The following ARHGAP32 variants were observed in gnomAD, a reference collection of about 807,000 sequenced individuals.
The protein encoded by ARHGAP32 is rho GTPase-activating protein 32.
Under a neutral mutation model 186.5 loss-of-function variants are expected in ARHGAP32, and 51 were observed. That is an observed-to-expected ratio of 0.27 (90% CI 0.22 to 0.35). The LOEUF (loss-of-function observed/expected upper bound fraction) is 0.35, where lower values mean the gene tolerates loss of function less well. ARHGAP32 is among the 10% of genes least tolerant of loss of function. The pLI, the probability that ARHGAP32 is intolerant of heterozygous loss-of-function variation, is 1.00. For synonymous variants in ARHGAP32, 950 were observed against 964.3 expected, an observed-to-expected ratio of 0.99 and a Z score of 0.27; for missense variants, 2,186 against 2,623.5, an observed-to-expected ratio of 0.83 and a Z score of 3.64.
intron 5 of ARHGAP32, among the ~76,000 whole-genome samples, chr11:129,113,420 C>T (rs912157172): frequency 6.6e-6 from 1 of 152,046 alleles, no homozygotes; most frequent in Non-Finnish European, 1.5e-5. Context: ...GATTAGGAAT[C>T]GCACCATGTT....
chr11:129,083,029 C>A (rs1242784666), intron 6 of ARHGAP32, among the ~76,000 whole-genome samples: 1 of 152,014 alleles, frequency 6.6e-6, no homozygotes, highest in African/African-American at 2.4e-5. Context: ...GGGAAATGCA[C>A]ATCAAAACCA....
chr11:128,976,084 T>C (rs1261307756), intron 20 of ARHGAP32, among the ~76,000 whole-genome samples: 1 of 148,820 alleles, frequency 6.7e-6, no homozygotes, highest in African/African-American at 2.5e-5. Context: ...CTAACATATA[T>C]ATATATATAT....
At chr11:129,200,105 C>A (rs1157067261) in intron 1 of ARHGAP32, among the ~76,000 whole-genome samples, 3 of 152,166 alleles carry the variant, frequency 2.0e-5, no homozygotes, top group Admixed American at 6.5e-5. Context: ...TGCCTGTACC[C>A]CCCATTGTAT....
At chr11:128,994,534 G>A (rs574464536) in intron 12 of ARHGAP32, among the ~76,000 whole-genome samples, 2 of 151,704 alleles carry the variant, frequency 1.3e-5, no homozygotes, top group Non-Finnish European at 2.9e-5. Flanking sequence ...GCCCAGGCTG[G>A]TCTCAAACCC....
rs760277908 is a variant in ARHGAP32, at chr11:128,969,731, G to A, written c.5482C>T (p.His1828Tyr). The A allele has an allele frequency of 6.2e-6, 10 of 1,614,060 alleles. No homozygotes were observed. The highest frequency in any genetic ancestry group is 7.6e-6 in the Non-Finnish European group (9 of 1,180,046). ...TCGGGACTGATGGCCTTGGCTGCAT[G>A]GCGGCTCTCCTTTCCTTCTGCCACT... ...LSVAEGKESR[H>Y]AAKAISPEGE... The change falls in exon 23 of 23, where the codon CAT becomes TAT. Residue 1828 changes from histidine to tyrosine, a missense_variant. His to Tyr is a moderately conservative substitution (Grantham distance 83). Around this residue, in one of 5 missense-constraint regions of ARHGAP32, gnomAD observed 1,502 missense variants for 1,570.0 expected, o/e 0.96. Coordinates refer to ENST00000682385, the MANE Select transcript of ARHGAP32 (RefSeq NM_001378024.1). The surrounding 1 kb of genome is among the most constrained non-coding windows in gnomAD (Gnocchi z 4.8).
chr11:129,212,837 T>C (rs1944597620), intron 1 of ARHGAP32, among the ~76,000 whole-genome samples: 1 of 152,144 alleles, frequency 6.6e-6, no homozygotes, highest in African/African-American at 2.4e-5. Context: ...GTACAACTAT[T>C]ATGTATCCAA....
At chr11:128,998,195 G>A (rs669678) in intron 12 of ARHGAP32, 124 bp downstream of exon 12, 486,130 of 739,798 alleles carry the variant, frequency 0.66, 161,269 homozygotes, top group Middle Eastern at 0.7. Context: ...AGAAAGCTTA[G>A]TACATGCATT....
rs145945408 is a variant in ARHGAP32, at chr11:129,004,343, A to T, written c.1046-5875T>A. ...CCACATGCTGAGGAGAAGAATATGT[A>T]TTCTGCAGCTGTTGGATGAAGTGTC... On this transcript the variant is annotated intron_variant, in intron 11 of 22. Transcript: ENST00000682385. 2.6e-4 allele frequency among the ~76,000 whole-genome samples: 38 copies of T among 145,782 alleles called. 1 individual carries two copies. In the East Asian group the frequency reaches 7.3e-3, roughly 28 times the overall value.
chr11:129,141,330 A>G (rs1943047919), intron 2 of ARHGAP32, among the ~76,000 whole-genome samples: 1 of 150,976 alleles, frequency 6.6e-6, no homozygotes, highest in Non-Finnish European at 1.5e-5. Flanking sequence ...AGCGACATGG[A>G]TGAAGCTGGA....
chr11:129,141,592 G>A (rs1050977145), intron 2 of ARHGAP32, among the ~76,000 whole-genome samples: 8 of 149,242 alleles, frequency 5.4e-5, no homozygotes, highest in Admixed American at 1.3e-4. Context: ...TGCACGTTGT[G>A]CACATGTACC....
At chr11:129,174,438 C>A (rs1055740348) in intron 1 of ARHGAP32, among the ~76,000 whole-genome samples, 1 of 152,204 alleles carries the variant, frequency 6.6e-6, no homozygotes, top group African/African-American at 2.4e-5. Flanking sequence ...GTAGAGCCCA[C>A]CACAGCTCAA....
At chr11:128,996,769 C>G (rs1271187093) in intron 12 of ARHGAP32, among the ~76,000 whole-genome samples, 1 of 152,050 alleles carries the variant, frequency 6.6e-6, no homozygotes, top group Non-Finnish European at 1.5e-5. Context: ...GCACAAAACT[C>G]TGCCTTTAAA....
chr11:129,157,995 A>G (rs932772459), intron 2 of ARHGAP32, among the ~76,000 whole-genome samples: 1 of 152,218 alleles, frequency 6.6e-6, no homozygotes, highest in Admixed American at 6.5e-5. Flanking sequence ...AGCAAAGGAG[A>G]AATAAAATCC....
At chr11:129,218,067 A>G (rs930785237) in intron 1 of ARHGAP32, among the ~76,000 whole-genome samples, 1 of 152,370 alleles carries the variant, frequency 6.6e-6, no homozygotes, top group Non-Finnish European at 1.5e-5. Context: ...AGACTCAGGT[A>G]AAACATCAAA....
chr11:129,176,889 G>A (rs957055779), intron 1 of ARHGAP32, among the ~76,000 whole-genome samples: 9 of 152,098 alleles, frequency 5.9e-5, no homozygotes, highest in Admixed American at 4.6e-4. Flanking sequence ...GGAAAAGCAA[G>A]AGCAAACACA....
intron 1 of ARHGAP32, chr11:129,279,035 C>G (rs1044933592): frequency 4.7e-5 from 7 of 147,648 alleles, no homozygotes; most frequent in African/African-American, 1.7e-4. Flanking sequence ...GATCCGGAAC[C>G]CTCACTCTAA....
chr11:129,234,487 G>T (rs1341128827), intron 1 of ARHGAP32, among the ~76,000 whole-genome samples: 1 of 152,078 alleles, frequency 6.6e-6, no homozygotes, highest in Non-Finnish European at 1.5e-5. Flanking sequence ...GAGCACATGA[G>T]TGCTAAGACC....
Position 128,970,320 on chromosome 11 carries a change from C to A in ARHGAP32, c.4893G>T (p.Leu1631=). 1 of 1,614,118 alleles carries A rather than the reference C, an allele frequency of 6.2e-7. No individual in the cohort carries two copies. Among genetic ancestry groups the A allele is most frequent in the Non-Finnish European group, 8.5e-7 (1 of 1,180,022 alleles). Residue 1631 remains leucine (L), a synonymous_variant, in exon 23 of 23, where the codon CTG becomes CTT. Coordinates refer to ENST00000682385, the MANE Select transcript of ARHGAP32 (RefSeq NM_001378024.1). This position sits in a 1 kb window ranked among gnomAD's most constrained non-coding sequence, Gnocchi z 5.8. ...DDEPAYCPRP[L]YQYKPYQSSQ... ...AGGACTGATATGGCTTATATTGGTA[C>A]AGAGGTCTTGGGCAGTAGGCTGGCT... is the stretch of plus-strand genomic sequence containing the variant.
intron 10 of ARHGAP32, among the ~76,000 whole-genome samples, chr11:129,041,871 G>T (rs1363946019): frequency 6.6e-6 from 1 of 152,204 alleles, no homozygotes; most frequent in Non-Finnish European, 1.5e-5. Flanking sequence ...TAAATGGGCT[G>T]CCATGCAGCA....
Sources: allele counts gnomAD v4.1 joint callset (sites outside exome capture counted in the v4.1 genomes callset), GRCh38; gene constraint gnomAD v4.1.1; regional missense constraint gnomAD v4.1.1; non-coding constraint Gnocchi (gnomAD v3.1); transcripts MANE v1.5; gene names NCBI Gene and HGNC (gene_info 2026-07-23, HGNC 2026-07-21).